Variants in NRCAM observed in about 807,000 individuals in gnomAD.
NRCAM encodes the protein NgCAM-related cell adhesion molecule.
In NRCAM, 83 loss-of-function variants were observed where a neutral mutation model predicts 156.5. That is an observed-to-expected ratio of 0.53 (90% CI 0.44 to 0.64). NRCAM has a LOEUF of 0.64. NRCAM is among the 30% of genes least tolerant of loss of function. The probability of loss-of-function intolerance (pLI) is 0.00; values close to 1 mark genes in which losing one functional copy is unlikely to be tolerated. For synonymous variants in NRCAM, 538 were observed against 563.9 expected (o/e 0.95, Z 0.65); for missense variants, 1,417 against 1,597.3 (o/e 0.89, Z 1.92).
chr7:108,436,659 G>A (rs1315326259), intron 1 of NRCAM, among the ~76,000 whole-genome samples: 1 of 152,102 alleles, frequency 6.6e-6, no homozygotes, highest in Non-Finnish European at 1.5e-5. Flanking sequence ...TCAGCTCACT[G>A]TTCACATCAC....
intron 20 of NRCAM, among the ~76,000 whole-genome samples, chr7:108,185,984 CA>C (rs1327965529): frequency 6.6e-6 from 1 of 152,144 alleles, no homozygotes; most frequent in Admixed American, 6.5e-5. Flanking sequence ...AGCTGGGAGA[CA>C]GGGGCGGGAG....
intron 1 of NRCAM, among the ~76,000 whole-genome samples, chr7:108,412,815 T>C (rs943413164): frequency 2.6e-5 from 4 of 152,228 alleles, no homozygotes; most frequent in African/African-American, 9.6e-5. Flanking sequence ...TTTCTGTGCC[T>C]GGCTTATTTC....
intron 3 of NRCAM, among the ~76,000 whole-genome samples, chr7:108,271,170 A>T (rs2097331648): frequency 6.6e-6 from 1 of 152,258 alleles, no homozygotes; most frequent in African/African-American, 2.4e-5. Context: ...AATAAAGATC[A>T]AACAGCTACC....
chr7:108,198,339 ATTTATT>A (rs1055870098), intron 13 of NRCAM, among the ~76,000 whole-genome samples: 45 of 152,096 alleles, frequency 3.0e-4, no homozygotes, highest in Admixed American at 1.4e-3. Flanking sequence ...ACTAAGTATT[ATTTATT>A]TTTATTTTTA....
chr7:108,209,656 C>G (rs1226426542), intron 11 of NRCAM, 51 bp from the exon 12 acceptor site: 2 of 1,340,170 alleles, frequency 1.5e-6, no homozygotes, highest in South Asian at 1.4e-5. Context: ...CCACCTATGA[C>G]TACTTTTGAG....
chr7:108,420,466 C>A (rs1808023829), intron 1 of NRCAM, among the ~76,000 whole-genome samples: 1 of 152,132 alleles, frequency 6.6e-6, no homozygotes, highest in South Asian at 2.1e-4. Flanking sequence ...CGAATAGATT[C>A]TTATCCACAT....
intron 15 of NRCAM, 100 bp from the exon 16 acceptor site, chr7:108,194,528 T>A: frequency 1.3e-6 from 1 of 778,624 alleles, no homozygotes; most frequent in Non-Finnish European, 2.0e-6. Context: ...ATGATGAATG[T>A]GAAAGTTGCA....
At chr7:108,390,317 C>T (rs1178167247) in intron 2 of NRCAM, among the ~76,000 whole-genome samples, 1 of 152,060 alleles carries the variant, frequency 6.6e-6, no homozygotes, top group Non-Finnish European at 1.5e-5. Flanking sequence ...TCCATTTCTT[C>T]TAGATTTTCT....
intron 1 of NRCAM, among the ~76,000 whole-genome samples, chr7:108,447,219 G>C (rs1411643106): frequency 2.1e-5 from 3 of 145,940 alleles, no homozygotes; most frequent in African/African-American, 5.1e-5. Flanking sequence ...TCTTTGATGT[G>C]AACAGTCACC....
At chr7:108,368,562 CAATA>C (rs2099608272) in intron 2 of NRCAM, among the ~76,000 whole-genome samples, 1 of 152,014 alleles carries the variant, frequency 6.6e-6, no homozygotes, top group Admixed American at 6.6e-5. Flanking sequence ...AACAGCAGCC[CAATA>C]AATGTGACGA....
intron 30 of NRCAM, among the ~76,000 whole-genome samples, chr7:108,164,104 C>T (rs145239758): frequency 8.9e-4 from 71 of 79,608 alleles, no homozygotes; most frequent in African/African-American, 4.5e-3. Flanking sequence ...GAGGTCATAC[C>T]GGGTGGGGTG....
At chr7:108,246,955 G>A (rs931097693) in intron 3 of NRCAM, among the ~76,000 whole-genome samples, 4 of 152,124 alleles carry the variant, frequency 2.6e-5, no homozygotes, top group African/African-American at 9.7e-5. Context: ...GAAAAGAGGT[G>A]TGATGACCAT....
At chr7:108,271,251 C>T (rs1309417546) in intron 3 of NRCAM, among the ~76,000 whole-genome samples, 3 of 152,110 alleles carry the variant, frequency 2.0e-5, no homozygotes, top group African/African-American at 7.2e-5. Flanking sequence ...AGATTTACAT[C>T]TCCACACTTC....
intron 2 of NRCAM, among the ~76,000 whole-genome samples, chr7:108,347,041 T>TTTG (rs2154283121): frequency 7.3e-6 from 1 of 136,774 alleles, no homozygotes; most frequent in Non-Finnish European, 1.6e-5. Flanking sequence ...TGTTTTTTTT[T>TTTG]TTTTTTTTTT....
chr7:108,378,163 C>T (rs1009068754), intron 2 of NRCAM, among the ~76,000 whole-genome samples: 16 of 152,106 alleles, frequency 1.1e-4, no homozygotes, highest in Admixed American at 2.6e-4. Flanking sequence ...CCAAGACTTC[C>T]TATGTTGGAA....
At position 108,318,003 on chromosome 7, in the gene NRCAM, C is replaced by T. The variant is rs2098950262; in HGVS notation, c.-173-5272G>A. Among the ~76,000 whole-genome samples the T allele has an allele frequency of 4.9e-5, 7 of 143,092 alleles. No homozygotes were observed. The South Asian group carries it at 1.3e-3, about 27-fold the overall frequency. 93.9% of individuals were successfully genotyped at this position (143,092 alleles called of 152,430 possible). On this transcript the variant is annotated intron_variant, in intron 2 of 32. Coordinates refer to ENST00000379028, the MANE Select transcript of NRCAM (RefSeq NM_001037132.4). ...ATAGAGTTTTTGTGAGAATCTGATT[C>T]TGCAGATTTAGGAGGGACCTGGAAA...
chr7:108,180,589 T>C (rs767657284), intron 24 of NRCAM, among the ~76,000 whole-genome samples, 162 bp from the exon 25 acceptor site: 35 of 152,196 alleles, frequency 2.3e-4, no homozygotes, highest in Non-Finnish European at 3.8e-4. Flanking sequence ...GCAAGAGGAA[T>C]AGAAGCCCAT....
intron 1 of NRCAM, among the ~76,000 whole-genome samples, chr7:108,433,909 C>T (rs1375243016): frequency 6.6e-6 from 1 of 152,204 alleles, no homozygotes; most frequent in East Asian, 1.9e-4. Context: ...TATTCCTAGG[C>T]CCATCCATTC....
At chr7:108,253,028 G>A (rs972999096) in intron 3 of NRCAM, among the ~76,000 whole-genome samples, 1 of 152,234 alleles carries the variant, frequency 6.6e-6, no homozygotes, top group African/African-American at 2.4e-5. Context: ...AGAACTTAAA[G>A]GGAAGAGTTG....
Sources: allele counts gnomAD v4.1 joint callset (sites outside exome capture counted in the v4.1 genomes callset), GRCh38; gene constraint gnomAD v4.1.1; transcripts MANE v1.5; gene names NCBI Gene and HGNC (gene_info 2026-07-23, HGNC 2026-07-21).